Variants in BICC1 observed in about 807,000 individuals in gnomAD.
The protein encoded by BICC1 is protein bicaudal C homolog 1.
A neutral mutation model predicts 111.0 loss-of-function variants in BICC1; 43 were observed. That is an observed-to-expected ratio of 0.39 (90% CI 0.30 to 0.50). The LOEUF is 0.50. BICC1 is among the 20% of genes least tolerant of loss of function. The pLI is 0.88. For synonymous variants in BICC1, 467 were observed against 434.4 expected, an observed-to-expected ratio of 1.07 and a Z score of -0.93; for missense variants, 1,091 against 1,203.2, an observed-to-expected ratio of 0.91 and a Z score of 1.38.
intron 1 of BICC1, among the ~76,000 whole-genome samples, chr10:58,554,701 A>G (rs1843394740): frequency 2.0e-5 from 3 of 151,844 alleles, no homozygotes; most frequent in Non-Finnish European, 2.9e-5. Flanking sequence ...ATACACATTC[A>G]TTATGGCTAA....
chr10:58,544,266 A>G (rs1488886896), intron 1 of BICC1, among the ~76,000 whole-genome samples: 1 of 152,178 alleles, frequency 6.6e-6, no homozygotes. Flanking sequence ...ATTTCCTTTA[A>G]AAAATAAATA....
intron 3 of BICC1, among the ~76,000 whole-genome samples, chr10:58,724,253 G>A (rs568118966): frequency 2.6e-5 from 4 of 152,258 alleles, no homozygotes; most frequent in African/African-American, 9.6e-5. Flanking sequence ...CATAATCTAA[G>A]CACTTAATAA....
intron 1 of BICC1, among the ~76,000 whole-genome samples, chr10:58,606,294 A>C (rs1349869130): frequency 6.6e-6 from 1 of 152,138 alleles, no homozygotes; most frequent in East Asian, 1.9e-4. Context: ...GAATCCAAGT[A>C]GTAGGGAGGT....
chr10:58,527,583 T>C (rs532147714), intron 1 of BICC1, among the ~76,000 whole-genome samples: 18 of 152,334 alleles, frequency 1.2e-4, no homozygotes, highest in Admixed American at 3.3e-4. Context: ...TTAATCCATC[T>C]TGAGTTAGTT....
intron 20 of BICC1, among the ~76,000 whole-genome samples, chr10:58,826,408 G>T (rs189201687): frequency 6.6e-6 from 1 of 152,142 alleles, no homozygotes; most frequent in Non-Finnish European, 1.5e-5. Context: ...TAATGCAGAT[G>T]TAAGTGTCCT....
At chr10:58,518,135 G>A (rs1482484701) in intron 1 of BICC1, among the ~76,000 whole-genome samples, 2 of 152,122 alleles carry the variant, frequency 1.3e-5, no homozygotes, top group East Asian at 1.9e-4. Context: ...ACCCTTTTTA[G>A]TTGTAAATTG....
intron 1 of BICC1, among the ~76,000 whole-genome samples, chr10:58,595,378 A>G (rs974636533): frequency 2.6e-5 from 4 of 152,224 alleles, no homozygotes; most frequent in Non-Finnish European, 5.9e-5. Context: ...ATAGACATCT[A>G]CAGAACTCTC....
intron 3 of BICC1, among the ~76,000 whole-genome samples, chr10:58,749,471 A>G (rs1841926212): frequency 6.6e-6 from 1 of 152,184 alleles, no homozygotes; most frequent in South Asian, 2.1e-4. Flanking sequence ...CAGCAAAATA[A>G]GCAGAAACAA....
rs193171023 is a variant in BICC1, at chr10:58,685,671, C to T, written c.238-16403C>T. ...TCTGTTGACTTGAAGTCTGTTTTATCATAGACTAAGATTGCAACCCCTGCT... is the reference window on the plus strand; with the variant it reads ...TCTGTTGACTTGAAGTCTGTTTTATTATAGACTAAGATTGCAACCCCTGCT... On this transcript the variant is annotated intron_variant, in intron 2 of 20. Transcript: ENST00000373886. Among the ~76,000 whole-genome samples the T allele has an allele frequency of 2.6e-5, 4 of 152,286 alleles. No individual in the cohort carries two copies. The East Asian group carries it at 7.7e-4, about 29-fold the overall frequency.
chr10:58,729,450 G>T (rs1212943604), intron 3 of BICC1, among the ~76,000 whole-genome samples: 1 of 152,160 alleles, frequency 6.6e-6, no homozygotes, highest in Non-Finnish European at 1.5e-5. Context: ...TTAGGGCTTT[G>T]CTCTGGATTA....
chr10:58,728,302 T>C (rs537741223), intron 3 of BICC1, among the ~76,000 whole-genome samples: 4 of 152,344 alleles, frequency 2.6e-5, no homozygotes, highest in African/African-American at 9.6e-5. Flanking sequence ...ACATTTTTGG[T>C]TTTCATTTCA....
chr10:58,587,234 T>C (rs1844460787), intron 1 of BICC1, among the ~76,000 whole-genome samples: 1 of 152,170 alleles, frequency 6.6e-6, no homozygotes, highest in South Asian at 2.1e-4. Context: ...TCATTACTTA[T>C]CTATGCTTAA....
intron 2 of BICC1, among the ~76,000 whole-genome samples, chr10:58,668,094 T>A (rs1404181642): frequency 1.3e-5 from 2 of 152,074 alleles, no homozygotes; most frequent in African/African-American, 4.8e-5. Context: ...TCATCCGGCT[T>A]TTAAGAAAAT....
chr10:58,604,003 T>A (rs1845127450), intron 1 of BICC1, among the ~76,000 whole-genome samples: 2 of 152,230 alleles, frequency 1.3e-5, no homozygotes, highest in East Asian at 3.9e-4. Context: ...ATTTCTGTTA[T>A]GTGCAAGGGG....
intron 1 of BICC1, among the ~76,000 whole-genome samples, chr10:58,581,565 A>G (rs118162040): frequency 6.6e-6 from 1 of 152,322 alleles, no homozygotes; most frequent in East Asian, 1.9e-4. Context: ...GATGTTAGAA[A>G]TATTTAGGTG....
intron 1 of BICC1, among the ~76,000 whole-genome samples, chr10:58,567,554 A>C (rs1843808042): frequency 1.3e-5 from 2 of 150,584 alleles, no homozygotes; most frequent in East Asian, 3.9e-4. Context: ...CTTTTAGGGG[A>C]TATATATATC....
At chr10:58,615,326 A>G (rs969818101) in intron 1 of BICC1, among the ~76,000 whole-genome samples, 1 of 152,182 alleles carries the variant, frequency 6.6e-6, no homozygotes, top group Non-Finnish European at 1.5e-5. Flanking sequence ...TCAGTGTGTA[A>G]GGAAAATGGA....
intron 20 of BICC1, chr10:58,823,121 T>G (rs1476470980): frequency 6.2e-6 from 3 of 483,778 alleles, no homozygotes; most frequent in East Asian, 3.1e-4. Context: ...TTTTCATGAT[T>G]GGTCAAATGT....
chr10:58,616,483 G>C (rs1220598693), intron 1 of BICC1, among the ~76,000 whole-genome samples: 2 of 152,210 alleles, frequency 1.3e-5, no homozygotes, highest in African/African-American at 4.8e-5. Context: ...ATGTGCTACA[G>C]CCAGGTGGGG....
Sources: gnomAD v4.1 joint callset for allele counts (sites outside exome capture counted in the v4.1 genomes callset) on GRCh38, gnomAD v4.1.1 for gene constraint, MANE v1.5 for transcripts, NCBI Gene and HGNC (gene_info 2026-07-23, HGNC 2026-07-21) for gene names.